The following XRN2 variants were observed in gnomAD, a reference collection of about 807,000 sequenced individuals.
XRN2 encodes the protein DHM1-like protein.
A neutral mutation model predicts 138.5 loss-of-function variants in XRN2; 44 were observed. That is an observed-to-expected ratio of 0.32 (90% CI 0.25 to 0.41). The LOEUF (loss-of-function observed/expected upper bound fraction) is 0.41, where lower values mean the gene tolerates loss of function less well. XRN2 is among the 10% of genes least tolerant of loss of function. The pLI, the probability that XRN2 is intolerant of heterozygous loss-of-function variation, is 1.00. For synonymous variants in XRN2, 354 were observed against 369.4 expected (o/e 0.96, Z 0.48); for missense variants, 937 against 1,169.3 (o/e 0.80, Z 2.90).
intron 1 of XRN2, among the ~76,000 whole-genome samples, chr20:21,315,446 C>T (rs529004003): frequency 6.6e-6 from 1 of 152,254 alleles, no homozygotes; most frequent in Admixed American, 6.5e-5. Context: ...GCTTACTGGC[C>T]ATCTGTGTAT....
chr20:21,331,689 A>C, intron 7 of XRN2, 56 bp downstream of exon 7: 1 of 1,596,158 alleles, frequency 6.3e-7, no homozygotes, highest in African/African-American at 1.3e-5. Flanking sequence ...AAGCCATTGC[A>C]TAGAAAATAC....
At chr20:21,369,403 T>C (rs2038738278) in intron 27 of XRN2, among the ~76,000 whole-genome samples, 1 of 152,234 alleles carries the variant, frequency 6.6e-6, no homozygotes, top group African/African-American at 2.4e-5. Flanking sequence ...CTTGACGTAC[T>C]GATTTCCCTG....
chr20:21,331,492 T>C, intron 6 of XRN2, 69 bp from the exon 7 acceptor site: 4 of 1,339,482 alleles, frequency 3.0e-6, no homozygotes, highest in East Asian at 2.3e-5. Flanking sequence ...TTGAGACATA[T>C]AATTCTTTTG....
At chr20:21,357,579 C>CT (rs1049552028) in intron 23 of XRN2, among the ~76,000 whole-genome samples, 157 bp from the exon 24 acceptor site, 8 of 151,024 alleles carry the variant, frequency 5.3e-5, no homozygotes, top group Non-Finnish European at 8.9e-5. Context: ...GGTACTTACT[C>CT]TTTTTTTTTA....
chr20:21,337,866 G>A (rs536013113), intron 13 of XRN2, among the ~76,000 whole-genome samples: 1 of 152,288 alleles, frequency 6.6e-6, no homozygotes, highest in Non-Finnish European at 1.5e-5. Context: ...ATCCAAGGAG[G>A]AAAGAATCCT....
At chr20:21,339,291 A>T (rs2038341276) in intron 14 of XRN2, among the ~76,000 whole-genome samples, 1 of 152,192 alleles carries the variant, frequency 6.6e-6, no homozygotes, top group African/African-American at 2.4e-5. Flanking sequence ...CTGAAGGGAT[A>T]CACTTGGGAG....
chr20:21,319,248 A>G (rs2038004993), intron 1 of XRN2, among the ~76,000 whole-genome samples: 1 of 151,848 alleles, frequency 6.6e-6, no homozygotes, highest in African/African-American at 2.4e-5. Context: ...TTTCTCATCC[A>G]TTTACTTTTA....
Position 21,339,106 on chromosome 20 carries a change from T to C in XRN2, c.1278+18T>C. ...GAATGAAGGTGAGTTTTAATTAATT[T>C]CATGAGATTGGCAATAGCGTAATTT... On this transcript the variant is annotated intron_variant, in intron 14 of 29. Coordinates refer to ENST00000377191, the MANE Select transcript of XRN2 (RefSeq NM_012255.5). 6.3e-7 allele frequency: 1 copy of C among 1,599,596 alleles called. No homozygotes were observed. The highest frequency in any genetic ancestry group is 8.5e-7 in the Non-Finnish European group (1 of 1,170,510).
chr20:21,353,288 A>G (rs2038535633), intron 20 of XRN2, among the ~76,000 whole-genome samples: 1 of 145,600 alleles, frequency 6.9e-6, no homozygotes, highest in Admixed American at 6.9e-5. Flanking sequence ...GTGGGTAGAA[A>G]ACAAGCTAGA....
chr20:21,320,046 C>G (rs1427811511), intron 1 of XRN2, among the ~76,000 whole-genome samples: 1 of 152,058 alleles, frequency 6.6e-6, no homozygotes, highest in Non-Finnish European at 1.5e-5. Flanking sequence ...CTTTTTGTAA[C>G]TTTATAGCTT....
At chr20:21,363,267 G>A (rs545741296) in intron 24 of XRN2, among the ~76,000 whole-genome samples, 7 of 151,916 alleles carry the variant, frequency 4.6e-5, no homozygotes, top group South Asian at 4.2e-4. Context: ...GATGCCTGGC[G>A]GTGTGCATAA....
intron 28 of XRN2, among the ~76,000 whole-genome samples, chr20:21,385,627 C>T (rs566652735): frequency 6.6e-6 from 1 of 151,148 alleles, no homozygotes; most frequent in East Asian, 2.0e-4. Context: ...TTCATTTCTT[C>T]GAATCATCAC....
intron 24 of XRN2, among the ~76,000 whole-genome samples, chr20:21,360,695 A>AT (rs138468809): frequency 0.047 from 7,145 of 152,202 alleles, 187 homozygotes; most frequent in African/African-American, 0.057. Flanking sequence ...ATGGAGATGG[A>AT]TTTTTTAAGT....
At chr20:21,350,975 T>G (rs1421827625) in intron 20 of XRN2, among the ~76,000 whole-genome samples, 1 of 152,182 alleles carries the variant, frequency 6.6e-6, no homozygotes, top group Non-Finnish European at 1.5e-5. Context: ...ATGTCTTGAT[T>G]AAAGCAGAGA....
intron 28 of XRN2, 37 bp from the exon 29 acceptor site, chr20:21,386,831 G>A (rs201666156): frequency 1.8e-5 from 29 of 1,594,902 alleles, no homozygotes; most frequent in South Asian, 8.9e-5. Context: ...TGTATAATAG[G>A]TGTGGCTTCT....
chr20:21,330,338 C>G, intron 4 of XRN2, 143 bp from the exon 5 acceptor site: 1 of 622,490 alleles, frequency 1.6e-6, no homozygotes, highest in South Asian at 2.5e-5. Flanking sequence ...TATTTTCTTC[C>G]CAGTGAGGGA....
rs1424801889 is a variant in XRN2, at chr20:21,332,445, G to T, written c.858+5G>T. On this transcript the variant is annotated splice_donor_5th_base_variant and intron_variant, in intron 9 of 29. Transcript: ENST00000377191. ...CCAAGAGAAAAGAAGGGAAAGGTAA[G>T]AACTTTGAGATGGTAGTTGCCTCAT... is the stretch of plus-strand genomic sequence containing the variant. 6.3e-7 allele frequency: 1 copy of T among 1,583,928 alleles called. No individual in the cohort carries two copies. Among genetic ancestry groups the T allele is most frequent in the Non-Finnish European group, 8.6e-7 (1 of 1,167,086 alleles).
chr20:21,315,741 A>C (rs998637774), intron 1 of XRN2, among the ~76,000 whole-genome samples: 6 of 151,474 alleles, frequency 4.0e-5, no homozygotes, highest in Admixed American at 3.3e-4. Flanking sequence ...CAGATGATCC[A>C]CCTCCCTCAG....
chr20:21,355,956 T>C lies in XRN2; in HGVS notation c.2021-124T>C, dbSNP rs1177504334. The C allele has an allele frequency of 1.4e-5, 8 of 565,784 alleles. No individual in the cohort carries two copies. The Admixed American group carries it at 2.9e-4, about 20-fold the overall frequency. 35.0% of individuals were successfully genotyped at this position (565,784 alleles called of 1,614,324 possible). A position where few individuals can be genotyped will look rare whatever the true frequency, so the allele number is the denominator to read the frequency against. On this transcript the variant is annotated intron_variant, in intron 21 of 29. Transcript: ENST00000377191. Reference sequence around the variant, plus strand: ...TCTAACCTATCACTTTAAAATTATTTTTCATAAATTTTATAATTAAGTTCT... The same window carrying C: ...TCTAACCTATCACTTTAAAATTATTCTTCATAAATTTTATAATTAAGTTCT...
Sources: allele counts gnomAD v4.1 joint callset (sites outside exome capture counted in the v4.1 genomes callset), GRCh38; gene constraint gnomAD v4.1.1; transcripts MANE v1.5; gene names NCBI Gene and HGNC (gene_info 2026-07-23, HGNC 2026-07-21).